The following MKLN1 variants were observed in gnomAD, a reference collection of about 807,000 sequenced individuals.
MKLN1 encodes muskelin.
In MKLN1, 18 loss-of-function variants were observed where a neutral mutation model predicts 99.0. That is an observed-to-expected ratio of 0.18 (90% CI 0.13 to 0.27). The LOEUF is 0.27. MKLN1 is among the 10% of genes least tolerant of loss of function. The probability of loss-of-function intolerance (pLI) is 1.00; values close to 1 mark genes in which losing one functional copy is unlikely to be tolerated. For synonymous variants in MKLN1, 288 were observed against 293.2 expected, an observed-to-expected ratio of 0.98 and a Z score of 0.18; for missense variants, 621 against 875.9, an observed-to-expected ratio of 0.71 and a Z score of 3.67.
intron 1 of MKLN1, among the ~76,000 whole-genome samples, chr7:131,134,502 T>G (rs1226921778): frequency 2.0e-5 from 3 of 152,188 alleles, no homozygotes; most frequent in African/African-American, 7.2e-5. Context: ...GACCTGTCAT[T>G]CATTTGCACT....
In MKLN1 at chr7:131,353,616, T is replaced by C. The variant is rs1055675478; in HGVS notation, c.99-21808T>C. ...AAAGTCTTTCTCAAAATAAAAGTTT[T>C]TAATTTTGCTGAAGTCCAGTTTTTC... On this transcript the variant is annotated intron_variant, in intron 1 of 17. Coordinates refer to ENST00000352689, the MANE Select transcript of MKLN1 (RefSeq NM_013255.5). Among the ~76,000 whole-genome samples the C allele has an allele frequency of 2.0e-5, 3 of 152,120 alleles. No homozygotes were observed. The East Asian group carries it at 5.8e-4, about 29-fold the overall frequency.
chr7:131,269,568 C>T (rs187702035), intron 3 of MKLN1, among the ~76,000 whole-genome samples: 73 of 152,334 alleles, frequency 4.8e-4, no homozygotes, highest in African/African-American at 1.7e-3. Flanking sequence ...ACATTTAGCT[C>T]ATTGCAATAT....
At position 131,463,249 on chromosome 7, in the gene MKLN1, A is replaced by G. The variant is rs773393135; in HGVS notation, c.1558A>G (p.Ile520Val). ...PMTGFTQRATIDPELNEIHVL... is the reference protein window; with the variant it reads ...PMTGFTQRATVDPELNEIHVL... The stretch of plus-strand genomic sequence containing the variant: ...GACAGGATTTACACAGAGAGCAACT[A>G]TTGATCCAGAACTGAATGAAATACA... The change falls in exon 13 of 18, where the codon ATT becomes GTT. Residue 520 changes from isoleucine to valine, a missense_variant. Transcript: ENST00000352689. The G allele has an allele frequency of 3.7e-6, 6 of 1,612,130 alleles. No homozygotes were observed. Among genetic ancestry groups the G allele is most frequent in the African/African-American group, 1.3e-5 (1 of 74,838 alleles).
upstream of MKLN1, chr7:131,327,779 T>C: frequency 2.1e-6 from 3 of 1,439,326 alleles, no homozygotes; most frequent in Non-Finnish European, 1.8e-6. Flanking sequence ...CGGGTAACGA[T>C]GCGGGGCGGG....
intron 6 of MKLN1, among the ~76,000 whole-genome samples, chr7:131,408,750 C>T (rs1201581263): frequency 6.6e-6 from 1 of 152,098 alleles, no homozygotes; most frequent in Non-Finnish European, 1.5e-5. Flanking sequence ...TGTGAGCCAC[C>T]AGGCTGGGCC....
At chr7:131,115,462 T>C (rs768675543) in intron 1 of MKLN1, among the ~76,000 whole-genome samples, 2 of 152,152 alleles carry the variant, frequency 1.3e-5, no homozygotes, top group African/African-American at 4.8e-5. Context: ...TTCTAAATGG[T>C]TTTCCTGCTT....
In MKLN1 at chr7:131,481,060, C is replaced by T. The variant is rs150876338; in HGVS notation, c.2086+2383C>T. Among the ~76,000 whole-genome samples, 671 of 152,236 alleles carry T rather than the reference C, an allele frequency of 4.4e-3. 1 individual carries two copies. Among genetic ancestry groups the T allele is most frequent in the Non-Finnish European group, 7.6e-3 (514 of 68,020 alleles). ...TTTTATTTGGATTCTAAACAAACCT[C>T]AGATATACTGAGAACAATACAAACA... On this transcript the variant is annotated intron_variant, in intron 17 of 17. Transcript: ENST00000352689.
At chr7:131,337,149 A>C (rs1048407788) in intron 1 of MKLN1, among the ~76,000 whole-genome samples, 3 of 151,878 alleles carry the variant, frequency 2.0e-5, no homozygotes, top group African/African-American at 7.3e-5. Context: ...TCTTTTTGTC[A>C]TTCTCTTTTT....
intron 1 of MKLN1, among the ~76,000 whole-genome samples, chr7:131,370,036 C>T (rs929733670): frequency 6.6e-6 from 1 of 152,174 alleles, no homozygotes; most frequent in Admixed American, 6.5e-5. Flanking sequence ...CGGGGTTTCA[C>T]CATGTTAGCC....
chr7:131,298,073 GGAGATC>G (rs1358044765), intron 3 of MKLN1, among the ~76,000 whole-genome samples: 1 of 151,300 alleles, frequency 6.6e-6, no homozygotes, highest in Non-Finnish European at 1.5e-5. Context: ...CACGAGGTCA[GGAGATC>G]GAGACCACGG....
chr7:131,156,608 G>A (rs924188287), intron 2 of MKLN1, among the ~76,000 whole-genome samples: 1 of 152,136 alleles, frequency 6.6e-6, no homozygotes, highest in African/African-American at 2.4e-5. Context: ...TTATAATAAA[G>A]TGTTGAATTT....
At chr7:131,382,885 G>T (rs938356037) in intron 2 of MKLN1, among the ~76,000 whole-genome samples, 1 of 151,842 alleles carries the variant, frequency 6.6e-6, no homozygotes, top group Admixed American at 6.6e-5. Flanking sequence ...CACCACGCCC[G>T]GCTAATTTTT....
intron 17 of MKLN1, chr7:131,478,906 G>A: frequency 1.8e-6 from 1 of 562,300 alleles, no homozygotes; most frequent in East Asian, 3.1e-5. Flanking sequence ...GTGTTAGTAT[G>A]CAAACAGATA....
intron 3 of MKLN1, among the ~76,000 whole-genome samples, chr7:131,304,458 C>A (rs1395433477): frequency 6.6e-6 from 1 of 152,132 alleles, no homozygotes; most frequent in Non-Finnish European, 1.5e-5. Flanking sequence ...GTGTAAACAG[C>A]CTGGTTGTAT....
At chr7:131,314,311 A>C (rs1010746641) in intron 3 of MKLN1, among the ~76,000 whole-genome samples, 3 of 152,222 alleles carry the variant, frequency 2.0e-5, no homozygotes, top group Non-Finnish European at 4.4e-5. Flanking sequence ...AAAGGGAGTG[A>C]GAGGCAGCTT....
At chr7:131,444,906 C>T (rs2116516157) in intron 11 of MKLN1, among the ~76,000 whole-genome samples, 1 of 151,904 alleles carries the variant, frequency 6.6e-6, no homozygotes, top group Admixed American at 6.6e-5. Context: ...CCTTGGCCTG[C>T]CCAAATGCTA....
At chr7:131,133,587 C>T (rs1419149183) in intron 1 of MKLN1, among the ~76,000 whole-genome samples, 8 of 150,782 alleles carry the variant, frequency 5.3e-5, no homozygotes, top group Non-Finnish European at 7.4e-5. Context: ...CTCCTGACCT[C>T]GTGATCCGCC....
intron 2 of MKLN1, among the ~76,000 whole-genome samples, chr7:131,175,907 A>C (rs73149835): frequency 6.1e-4 from 92 of 151,972 alleles, no homozygotes; most frequent in African/African-American, 1.8e-3. Flanking sequence ...TCAAAAAAAA[A>C]CCAAAAAACA....
At chr7:131,113,917 A>T (rs1213329971) in intron 1 of MKLN1, among the ~76,000 whole-genome samples, 2 of 152,006 alleles carry the variant, frequency 1.3e-5, no homozygotes, top group Admixed American at 1.3e-4. Context: ...TCTCATGAGA[A>T]CTCCCTCACT....
Sources: allele counts gnomAD v4.1 joint callset (sites outside exome capture counted in the v4.1 genomes callset), GRCh38; gene constraint gnomAD v4.1.1; transcripts MANE v1.5; gene names NCBI Gene and HGNC (gene_info 2026-07-23, HGNC 2026-07-21).